The following CNTNAP2 variants were observed in gnomAD, a reference collection of about 807,000 sequenced individuals.
The protein encoded by CNTNAP2 is contactin-associated protein-like 2.
CNTNAP2 carries 98 observed loss-of-function variants against 155.2 expected under a neutral mutation model. That is an observed-to-expected ratio of 0.63 (90% CI 0.54 to 0.75). The LOEUF is 0.75. Ranked by LOEUF, CNTNAP2 falls within the 30% of genes least tolerant of loss-of-function variation. CNTNAP2 has a pLI of 0.00. For synonymous variants in CNTNAP2, 651 were observed against 631.2 expected (o/e 1.03, Z -0.47); for missense variants, 1,727 against 1,688.1 (o/e 1.02, Z -0.40).
chr7:146,256,834 CA>C (rs200096540), intron 1 of CNTNAP2, among the ~76,000 whole-genome samples: 1 of 151,694 alleles, frequency 6.6e-6, no homozygotes, highest in Non-Finnish European at 1.5e-5. Context: ...TGTGTAAAAT[CA>C]AAAAAATAAA....
chr7:146,897,304 G>A (rs1005949239), intron 3 of CNTNAP2, among the ~76,000 whole-genome samples: 6 of 152,144 alleles, frequency 3.9e-5, no homozygotes, highest in Non-Finnish European at 8.8e-5. Flanking sequence ...GAAGGCAGTT[G>A]AAGTGCAACA....
intron 15 of CNTNAP2, among the ~76,000 whole-genome samples, chr7:147,994,407 G>A (rs1801766910): frequency 6.7e-6 from 1 of 150,336 alleles, no homozygotes; most frequent in Non-Finnish European, 1.5e-5. Context: ...TTGCAATCCT[G>A]AACCTACTTT....
chr7:147,506,485 C>T (rs2116679588), intron 11 of CNTNAP2, among the ~76,000 whole-genome samples: 1 of 152,254 alleles, frequency 6.6e-6, no homozygotes, highest in Middle Eastern at 3.4e-3. Context: ...AAAATCCCGA[C>T]CTCAGGCAAT....
intron 1 of CNTNAP2, among the ~76,000 whole-genome samples, chr7:146,279,982 ATAAT>A (rs1800225130): frequency 6.6e-6 from 1 of 152,142 alleles, no homozygotes; most frequent in Non-Finnish European, 1.5e-5. Context: ...TGAATATACT[ATAAT>A]TATGTTATAA....
At chr7:146,782,721 CAG>C in intron 2 of CNTNAP2, among the ~76,000 whole-genome samples, 1 of 152,066 alleles carries the variant, frequency 6.6e-6, no homozygotes, top group Non-Finnish European at 1.5e-5. Flanking sequence ...AAAATAAAAT[CAG>C]TTATACTGTT....
At chr7:147,131,188 A>G (rs1801349564) in intron 7 of CNTNAP2, among the ~76,000 whole-genome samples, 1 of 150,820 alleles carries the variant, frequency 6.6e-6, no homozygotes, top group South Asian at 2.1e-4. Context: ...ATATACATAT[A>G]CCATACACAT....
intron 21 of CNTNAP2, among the ~76,000 whole-genome samples, chr7:148,363,279 G>A (rs113707278): frequency 3.9e-5 from 6 of 152,290 alleles, no homozygotes; most frequent in East Asian, 1.9e-4. Context: ...CACCACGCAC[G>A]GCCTCAACAT....
intron 1 of CNTNAP2, among the ~76,000 whole-genome samples, chr7:146,589,592 C>T (rs1223660073): frequency 1.3e-5 from 2 of 151,806 alleles, no homozygotes; most frequent in East Asian, 3.9e-4. Flanking sequence ...CACATTGGGG[C>T]CTGTTGGGGT....
At chr7:147,936,494 G>A (rs990690546) in intron 14 of CNTNAP2, among the ~76,000 whole-genome samples, 1 of 152,084 alleles carries the variant, frequency 6.6e-6, no homozygotes, top group African/African-American at 2.4e-5. Context: ...GAATGTAAAA[G>A]AGAATAAACA....
At chr7:148,166,156 T>TGGCTACC (rs2116681774) in intron 17 of CNTNAP2, among the ~76,000 whole-genome samples, 1 of 152,150 alleles carries the variant, frequency 6.6e-6, no homozygotes, top group East Asian at 1.9e-4. Flanking sequence ...TTCTCCATAG[T>TGGCTACC]GGCTACCACC....
intron 11 of CNTNAP2, among the ~76,000 whole-genome samples, chr7:147,533,323 G>C (rs1256718885): frequency 2.6e-5 from 4 of 152,094 alleles, no homozygotes; most frequent in Non-Finnish European, 4.4e-5. Flanking sequence ...TTGATGACCT[G>C]ATTATGTTTA....
At chr7:146,354,411 A>ATTTTTTTTTTT (rs10641636) in intron 1 of CNTNAP2, among the ~76,000 whole-genome samples, 1 of 135,346 alleles carries the variant, frequency 7.4e-6, no homozygotes, top group African/African-American at 2.8e-5. Flanking sequence ...TCTTGTTAGT[A>ATTTTTTTTTTT]TTTTTTTTTT....
chr7:147,313,503 C>A (rs1169550589), intron 9 of CNTNAP2, among the ~76,000 whole-genome samples: 2 of 149,862 alleles, frequency 1.3e-5, no homozygotes, highest in African/African-American at 5.0e-5. Flanking sequence ...TTCCCAGCAC[C>A]ATTTATTAAA....
At chr7:147,610,499 G>T (rs536872822) in intron 12 of CNTNAP2, among the ~76,000 whole-genome samples, 3 of 152,284 alleles carry the variant, frequency 2.0e-5, no homozygotes, top group Admixed American at 2.0e-4. Context: ...GAAGCAACCA[G>T]CATGCCACAG....
Position 148,415,542 on chromosome 7 carries a change from G to T in CNTNAP2, c.3922G>T (p.Asp1308Tyr). 6.2e-7 allele frequency: 1 copy of T among 1,614,256 alleles called. No individual in the cohort carries two copies. The highest frequency in any genetic ancestry group is 1.1e-5 in the South Asian group (1 of 91,088). ...GGGGGCGGAGTCGGCAGAGAGCGCG[G>T]ACGCCGCCATCATGAACAACGACCC... ...AKGAESAESA[D>Y]AAIMNNDPNF... Residue 1308 changes from aspartate (D) to tyrosine (Y), a missense_variant, in exon 24 of 24, where the codon GAC becomes TAC. Physicochemically the swap from Asp to Tyr is radical, Grantham distance 160 (BLOSUM62 -3). Coordinates refer to ENST00000361727, the MANE Select transcript of CNTNAP2 (RefSeq NM_014141.6).
chr7:146,781,242 A>C (rs928461797), intron 2 of CNTNAP2, among the ~76,000 whole-genome samples: 12 of 143,348 alleles, frequency 8.4e-5, no homozygotes, highest in Non-Finnish European at 1.7e-4. Flanking sequence ...AAAAAAAAAC[A>C]AAAAAAAAAC....
At chr7:147,416,184 G>T (rs1797190892) in intron 10 of CNTNAP2, among the ~76,000 whole-genome samples, 1 of 152,182 alleles carries the variant, frequency 6.6e-6, no homozygotes, top group South Asian at 2.1e-4. Flanking sequence ...CAGAGAAGTT[G>T]ATTTGTCTTC....
intron 14 of CNTNAP2, among the ~76,000 whole-genome samples, chr7:147,938,789 T>C (rs551103239): frequency 1.3e-5 from 2 of 152,276 alleles, no homozygotes; most frequent in South Asian, 4.1e-4. Context: ...ACTAATGACC[T>C]GAGGCTATTG....
At chr7:146,943,132 A>G (rs1481296040) in intron 3 of CNTNAP2, among the ~76,000 whole-genome samples, 1 of 152,240 alleles carries the variant, frequency 6.6e-6, no homozygotes, top group African/African-American at 2.4e-5. Context: ...ACTGTTGACC[A>G]TAAGCCTTAC....
Sources: gnomAD v4.1 joint callset for allele counts (sites outside exome capture counted in the v4.1 genomes callset) on GRCh38, gnomAD v4.1.1 for gene constraint, MANE v1.5 for transcripts, NCBI Gene and HGNC (gene_info 2026-07-23, HGNC 2026-07-21) for gene names.